PIEZO2: variants seen among roughly 807,000 people sequenced by gnomAD.
PIEZO2 encodes the protein piezo type mechanosensitive ion channel component 2.
A neutral mutation model predicts 337.3 loss-of-function variants in PIEZO2; 172 were observed. The observed-to-expected ratio is 0.51, with a 90% CI of 0.45 to 0.58. PIEZO2 has a LOEUF of 0.58. Ranked by LOEUF, PIEZO2 falls within the 20% of genes least tolerant of loss-of-function variation. PIEZO2 has a pLI of 0.00. For missense variants in PIEZO2, 3,028 were observed against 3,391.3 expected, an observed-to-expected ratio of 0.89 and a Z score of 2.66; for synonymous variants, 1,251 against 1,228.5, an observed-to-expected ratio of 1.02 and a Z score of -0.38.
chr18:10,907,905 T>G lies in PIEZO2; in HGVS notation c.329+3281A>C, dbSNP rs190620599. ...GCTTTTGTTATGTAGATATTACTAA[T>G]GTAGTACCAGGAGTGGGAGGTGACT... On this transcript the variant is annotated intron_variant, in intron 4 of 55. Coordinates refer to ENST00000674853, the MANE Select transcript of PIEZO2 (RefSeq NM_001378183.1). Among the ~76,000 whole-genome samples, 12 of 152,356 alleles carry G rather than the reference T, an allele frequency of 7.9e-5. No homozygotes were observed. In the East Asian group the frequency reaches 2.1e-3, roughly 27 times the overall value.
At chr18:10,991,714 G>A (rs1438440368) in intron 2 of PIEZO2, among the ~76,000 whole-genome samples, 1 of 152,108 alleles carries the variant, frequency 6.6e-6, no homozygotes, top group Non-Finnish European at 1.5e-5. Flanking sequence ...CTGTATACTA[G>A]AATGATTTAT....
At chr18:10,805,899 C>T (rs772827526) in intron 8 of PIEZO2, among the ~76,000 whole-genome samples, 1 of 152,214 alleles carries the variant, frequency 6.6e-6, no homozygotes, top group Non-Finnish European at 1.5e-5. Flanking sequence ...CAGGGATGAC[C>T]GGAGCCATGC....
At chr18:10,915,445 G>T (rs2030860442) in intron 3 of PIEZO2, among the ~76,000 whole-genome samples, 1 of 151,988 alleles carries the variant, frequency 6.6e-6, no homozygotes, top group African/African-American at 2.4e-5. Context: ...GATAGACAAT[G>T]AAAATAAGAA....
At chr18:11,107,085 C>T (rs889353085) in intron 1 of PIEZO2, among the ~76,000 whole-genome samples, 3 of 152,178 alleles carry the variant, frequency 2.0e-5, no homozygotes, top group East Asian at 1.9e-4. Flanking sequence ...CAACTTTTCA[C>T]ACCCTTTTTA....
intron 1 of PIEZO2, among the ~76,000 whole-genome samples, chr18:11,074,676 G>A (rs1412665185): frequency 6.6e-6 from 1 of 152,154 alleles, no homozygotes; most frequent in Non-Finnish European, 1.5e-5. Context: ...AAAAATGATC[G>A]ATTTGACTTT....
chr18:10,878,851 A>G lies in PIEZO2; in HGVS notation c.330-7436T>C, dbSNP rs568102695. ...AAGCAAAGGACAAACATGATCCCCA[A>G]GGAAATGAAGGCCACAGGAGAAACA... On this transcript the variant is annotated intron_variant, in intron 4 of 55. Transcript: ENST00000674853. The surrounding 1 kb of genome is among the most constrained non-coding windows in gnomAD (Gnocchi z 4.3). Among the ~76,000 whole-genome samples, 3 of 152,154 alleles carry G rather than the reference A, an allele frequency of 2.0e-5. No individual in the cohort carries two copies. Among genetic ancestry groups the G allele is most frequent in the South Asian group, 2.1e-4 (1 of 4,828 alleles).
At chr18:11,107,909 G>A (rs1000472256) in intron 1 of PIEZO2, among the ~76,000 whole-genome samples, 4 of 152,188 alleles carry the variant, frequency 2.6e-5, no homozygotes, top group Non-Finnish European at 4.4e-5. Flanking sequence ...TAAGTACACA[G>A]TATACGTTAC....
chr18:11,122,532 T>C (rs1410132748), intron 1 of PIEZO2, among the ~76,000 whole-genome samples: 1 of 152,226 alleles, frequency 6.6e-6, no homozygotes, highest in Admixed American at 6.5e-5. Context: ...GGTCATTCTC[T>C]TTTCATCTGC....
intron 2 of PIEZO2, among the ~76,000 whole-genome samples, chr18:10,987,377 C>A (rs1022289451): frequency 6.6e-6 from 1 of 151,916 alleles, no homozygotes; most frequent in Non-Finnish European, 1.5e-5. Flanking sequence ...AAAAATGGAA[C>A]AGAGGAGAGA....
chr18:11,073,900 G>T (rs1471119066), intron 1 of PIEZO2, among the ~76,000 whole-genome samples: 4 of 150,410 alleles, frequency 2.7e-5, no homozygotes, highest in Non-Finnish European at 5.9e-5. Context: ...AGGCTGGAGT[G>T]CAGTGGCGCA....
At chr18:11,100,604 T>C (rs1252773522) in intron 1 of PIEZO2, among the ~76,000 whole-genome samples, 9 of 149,668 alleles carry the variant, frequency 6.0e-5, no homozygotes, top group Non-Finnish European at 1.3e-4. Flanking sequence ...TTTTCACTTC[T>C]TTTTTTTTTG....
intron 7 of PIEZO2, among the ~76,000 whole-genome samples, chr18:10,807,650 T>C (rs2040043164): frequency 6.6e-6 from 1 of 152,228 alleles, no homozygotes; most frequent in Admixed American, 6.5e-5. Context: ...ATGCCAAGTA[T>C]GTGGTAACAT....
rs995331943 is a variant in PIEZO2, at chr18:11,002,359, T to C, written c.161-22699A>G. The stretch of plus-strand genomic sequence containing the variant: ...TACTTCAGAGTAAAATTTTCATCAG[T>C]AAAAAGAAACCAAAAGGACTGTGTT... On this transcript the variant is annotated intron_variant, in intron 2 of 55. Transcript: ENST00000674853. The surrounding 1 kb of genome is among the most constrained non-coding windows in gnomAD (Gnocchi z 4.3). Among the ~76,000 whole-genome samples, 4 of 152,154 alleles carry C rather than the reference T, an allele frequency of 2.6e-5. No homozygotes were observed. Among genetic ancestry groups the C allele is most frequent in the African/African-American group, 9.7e-5 (4 of 41,436 alleles).
At position 10,846,638 on chromosome 18, in the gene PIEZO2, A is replaced by G. The variant is rs2041373701; in HGVS notation, c.917+8715T>C. Among the ~76,000 whole-genome samples the G allele has an allele frequency of 1.3e-5, 2 of 152,112 alleles. No individual in the cohort carries two copies. The highest frequency in any genetic ancestry group is 2.1e-4 in the South Asian group (1 of 4,826). ...GTGAGTCAGACATATGCATGAAGGG[A>G]TTATTATGGCCCAATGCAGCTGGTG... On this transcript the variant is annotated intron_variant, in intron 7 of 55. Coordinates refer to ENST00000674853, the MANE Select transcript of PIEZO2 (RefSeq NM_001378183.1). This position sits in a 1 kb window ranked among gnomAD's most constrained non-coding sequence, Gnocchi z 4.1.
rs544960430 is a variant in PIEZO2 at position 10,675,345 on chromosome 18, A to T, written c.8082-57T>A. ...GTTTTAGTTGTTTTACCCACCTAAA[A>T]TTGATTTTTTGTTGTTATTGTTGAC... On this transcript the variant is annotated intron_variant, in intron 53 of 55. Transcript: ENST00000674853. 8.3e-5 allele frequency: 98 copies of T among 1,176,114 alleles called. No individual in the cohort carries two copies. In the South Asian group the frequency reaches 1.5e-3, roughly 18 times the overall value. The allele number at this position is 1,176,114 out of a possible 1,614,324, so 72.9% of individuals were successfully genotyped here.
intron 3 of PIEZO2, among the ~76,000 whole-genome samples, chr18:10,965,615 C>T (rs191231937): frequency 1.4e-4 from 21 of 152,254 alleles, no homozygotes; most frequent in African/African-American, 4.3e-4. Context: ...GTGAAAATAA[C>T]GTCCAAATTC....
rs59908821 is a variant in PIEZO2 at position 10,868,134 on chromosome 18, C to T, written c.492+3119G>A. On this transcript the variant is annotated intron_variant, in intron 5 of 55. Coordinates refer to ENST00000674853, the MANE Select transcript of PIEZO2 (RefSeq NM_001378183.1). Reference sequence around the variant, plus strand: ...ACAGAAGACCCAAGAGTCTTCCCCACGGATTAGTTGCTGCTTTAAAACAAC... The same window carrying T: ...ACAGAAGACCCAAGAGTCTTCCCCATGGATTAGTTGCTGCTTTAAAACAAC... Among the ~76,000 whole-genome samples, 196 of 152,164 alleles carry T rather than the reference C, an allele frequency of 1.3e-3. 2 individuals are homozygous for T. Among genetic ancestry groups the T allele is most frequent in the African/African-American group, 4.4e-3 (182 of 41,494 alleles).
Position 10,962,507 on chromosome 18 carries a change from C to T in PIEZO2, c.286+17028G>A, listed in dbSNP as rs1389519697. ...GTAGAGTTCATGGCCAAGCTTCCTC[C>T]AGTCTCTGTAGGTGTGATGTTTCCC... On this transcript the variant is annotated intron_variant, in intron 3 of 55. Coordinates refer to ENST00000674853, the MANE Select transcript of PIEZO2 (RefSeq NM_001378183.1). The surrounding 1 kb of genome is among the most constrained non-coding windows in gnomAD (Gnocchi z 4.1). 6.6e-6 allele frequency among the ~76,000 whole-genome samples: 1 copy of T among 152,154 alleles called. No individual in the cohort carries two copies. The highest frequency in any genetic ancestry group is 1.5e-5 in the Non-Finnish European group (1 of 68,022).
At position 10,947,534 on chromosome 18, in the gene PIEZO2, C is replaced by G. The variant is rs560158025; in HGVS notation, c.286+32001G>C. On this transcript the variant is annotated intron_variant, in intron 3 of 55. Transcript: ENST00000674853. ...AAAAACTACTTTCAATAGAAGAAAACTAAAATGCTTTACCAGCAGAGTCTC... is the reference window on the plus strand; with the variant it reads ...AAAAACTACTTTCAATAGAAGAAAAGTAAAATGCTTTACCAGCAGAGTCTC... Among the ~76,000 whole-genome samples the G allele has an allele frequency of 3.3e-5, 5 of 152,210 alleles. No individual in the cohort carries two copies. The South Asian group carries it at 1.0e-3, about 32-fold the overall frequency.
Sources: gnomAD v4.1 joint callset for allele counts (sites outside exome capture counted in the v4.1 genomes callset) on GRCh38, gnomAD v4.1.1 for gene constraint, Gnocchi (gnomAD v3.1) non-coding constraint, MANE v1.5 for transcripts, NCBI Gene and HGNC (gene_info 2026-07-23, HGNC 2026-07-21) for gene names.